NHLH2: variants seen among roughly 807,000 people sequenced by gnomAD.
The protein encoded by NHLH2 is helix-loop-helix protein 2.
In NHLH2, 7 loss-of-function variants were observed where a neutral mutation model predicts 7.3. That is an observed-to-expected ratio of 0.96 (90% confidence interval 0.55 to 1.81). NHLH2 has a LOEUF of 1.81. Among genes scored for constraint, NHLH2 ranks in the 40% most tolerant of loss-of-function variants. NHLH2 has a pLI of 0.00. For synonymous variants in NHLH2, 93 were observed against 91.6 expected (o/e 1.01, Z -0.09); for missense variants, 155 against 194.0 (o/e 0.80, Z 1.19).
At chr1:115,835,120 C>A (rs796864652), downstream of NHLH2, among the ~76,000 whole-genome samples, 5 of 152,230 alleles carry the variant, frequency 3.3e-5, no homozygotes, top group South Asian at 1.0e-3. Context: ...ATCCCTAAGG[C>A]CCTTTGTCCA....
rs1651043352 is a variant in NHLH2, at chr1:115,840,538, T to C, written c.-331A>G. The C allele has an allele frequency of 6.0e-6, 1 of 167,088 alleles. No homozygotes were observed. Among genetic ancestry groups the C allele is most frequent in the South Asian group, 2.1e-4 (1 of 4,828 alleles). 10.4% of individuals were successfully genotyped at this position (167,088 alleles called of 1,614,324 possible). On this transcript the variant is annotated 5_prime_UTR_variant, in exon 2 of 3. Transcript: ENST00000320238. The stretch of plus-strand genomic sequence containing the variant: ...AAGTCTCGTGCCTTTTTTCCTCTTC[T>C]AGGTCTCTAAAAATAACAAAAGAGA...
downstream of NHLH2, among the ~76,000 whole-genome samples, chr1:115,832,579 TTA>T (rs1650778858): frequency 6.6e-6 from 1 of 152,208 alleles, no homozygotes; most frequent in African/African-American, 2.4e-5. Flanking sequence ...TTGTCCCATC[TTA>T]TGGATGAAAA....
In NHLH2 at chr1:115,838,222, C is replaced by A. The variant is rs754915395; in HGVS notation, c.151G>T (p.Gly51Cys). 1.5e-5 allele frequency: 23 copies of A among 1,558,196 alleles called. No homozygotes were observed. The South Asian group carries it at 2.2e-4, about 15-fold the overall frequency. ...VEEAEGDGKG[G>C]SRAALYPHPQ... is the part of the protein sequence containing the mutation. ...TGCGGGTAGAGCGCGGCTCGGCTGC[C>A]GCCCTTGCCGTCGCCCTCGGCCTCC... The change falls in exon 3 of 3, where the codon GGC becomes TGC. Residue 51 changes from glycine to cysteine, a missense_variant. Coordinates refer to ENST00000320238, the MANE Select transcript of NHLH2 (RefSeq NM_005599.3).
downstream of NHLH2, among the ~76,000 whole-genome samples, chr1:115,834,616 G>A (rs1392053892): frequency 6.6e-6 from 1 of 152,198 alleles, no homozygotes; most frequent in Non-Finnish European, 1.5e-5. Context: ...TATTTCCTCA[G>A]AGAGGCTTTC....
rs1214630826 is a variant in NHLH2 at position 115,838,210 on chromosome 1, C to T, written c.163G>A (p.Ala55Thr). 6.4e-7 allele frequency: 1 copy of T among 1,559,758 alleles called. No individual in the cohort carries two copies. Among genetic ancestry groups the T allele is most frequent in the East Asian group, 2.4e-5 (1 of 41,526 alleles). Residue 55 changes from alanine (A) to threonine (T), a missense_variant, in exon 3 of 3, where the codon GCG (alanine) becomes ACG (threonine). Ala to Thr is a moderately conservative substitution (Grantham distance 58). Coordinates refer to ENST00000320238, the MANE Select transcript of NHLH2 (RefSeq NM_005599.3). ...EGDGKGGSRA[A>T]LYPHPQQLSR... ...AGCTGCTGCGGGTGCGGGTAGAGCG[C>T]GGCTCGGCTGCCGCCCTTGCCGTCG...
chr1:115,838,351 C>T lies in NHLH2; in HGVS notation c.22G>A (p.Ala8Thr), dbSNP rs762195788. 1.2e-6 allele frequency: 2 copies of T among 1,609,354 alleles called. No individual in the cohort carries two copies. The highest frequency in any genetic ancestry group is 2.2e-5 in the South Asian group (2 of 90,918). Residue 8 changes from alanine (A) to threonine (T), a missense_variant, in exon 3 of 3, where the codon GCA (alanine) becomes ACA (threonine). Physicochemically the swap from Ala to Thr is moderately conservative, Grantham distance 58. Coordinates refer to ENST00000320238, the MANE Select transcript of NHLH2 (RefSeq NM_005599.3). Reference sequence around the variant, plus strand: ...GAGCTGGGATGGTCCGAATCTGCTGCTTGGTCCGGACTCAGCATCATTTTG... The same window carrying T: ...GAGCTGGGATGGTCCGAATCTGCTGTTTGGTCCGGACTCAGCATCATTTTG... MMLSPDQ[A>T]ADSDHPSSAH...
chr1:115,834,759 A>G (rs537538255), downstream of NHLH2, among the ~76,000 whole-genome samples: 1 of 152,240 alleles, frequency 6.6e-6, no homozygotes, highest in South Asian at 2.1e-4. Flanking sequence ...TTTTCGCTTC[A>G]GTGTACTGCT....
At chr1:115,839,635 C>T (rs1289683405) in intron 2 of NHLH2, 1 of 166,752 alleles carries the variant, frequency 6.0e-6, no homozygotes, top group East Asian at 1.9e-4. Context: ...GCACGCACCG[C>T]CCCTGGGCGT....
At chr1:115,840,886 C>A in intron 1 of NHLH2, 62 bp downstream of exon 1, 1 of 167,236 alleles carries the variant, frequency 6.0e-6, no homozygotes. Flanking sequence ...CACCTATTTT[C>A]CAGTTTCAAA....
At chr1:115,838,684 G>C in intron 2 of NHLH2, 1 of 349,054 alleles carries the variant, frequency 2.9e-6, no homozygotes, top group South Asian at 8.4e-5. Flanking sequence ...GGGAACAACC[G>C]CAGGCCTGTG....
At chr1:115,835,082 C>G (rs1650835776), downstream of NHLH2, among the ~76,000 whole-genome samples, 1 of 152,098 alleles carries the variant, frequency 6.6e-6, no homozygotes, top group African/African-American at 2.4e-5. Context: ...GGTTGCATAG[C>G]TAGGAAGGGA....
rs1055340106 is a variant in NHLH2 at position 115,836,764 on chromosome 1, T to A, written c.*1201A>T. ...ACACACAAAGAAGCTACTCTCCTTATAAACAGCTTGTAAAGGACTTCTCAG... is the reference window on the plus strand; with the variant it reads ...ACACACAAAGAAGCTACTCTCCTTAAAAACAGCTTGTAAAGGACTTCTCAG... On this transcript the variant is annotated 3_prime_UTR_variant, in exon 3 of 3. Coordinates refer to ENST00000320238, the MANE Select transcript of NHLH2 (RefSeq NM_005599.3). 6.6e-6 allele frequency: 1 copy of A among 152,150 alleles called. No individual in the cohort carries two copies. The highest frequency in any genetic ancestry group is 1.5e-5 in the Non-Finnish European group (1 of 67,998). 9.4% of individuals were successfully genotyped at this position (152,150 alleles called of 1,614,324 possible).
downstream of NHLH2, among the ~76,000 whole-genome samples, chr1:115,831,474 C>T (rs371413171): frequency 6.6e-6 from 1 of 152,126 alleles, no homozygotes; most frequent in Non-Finnish European, 1.5e-5. Flanking sequence ...GATAAGGACT[C>T]TTTTTTCTTT....
Position 115,837,531 on chromosome 1 carries a change from T to G in NHLH2, c.*434A>C. 5.9e-6 allele frequency: 1 copy of G among 170,542 alleles called. No individual in the cohort carries two copies. The allele number at this position is 170,542 out of a possible 1,614,324, so 10.6% of individuals were successfully genotyped here. Reference sequence around the variant, plus strand: ...TTCCCAGTGTTTGGTGATTTGTCCATTAGAAAAATTCCAGATAGCCTAAAG... The same window carrying G: ...TTCCCAGTGTTTGGTGATTTGTCCAGTAGAAAAATTCCAGATAGCCTAAAG... On this transcript the variant is annotated 3_prime_UTR_variant, in exon 3 of 3. Coordinates refer to ENST00000320238, the MANE Select transcript of NHLH2 (RefSeq NM_005599.3).
At chr1:115,833,328 G>T, downstream of NHLH2, among the ~76,000 whole-genome samples, 1 of 152,320 alleles carries the variant, frequency 6.6e-6, no homozygotes, top group Non-Finnish European at 1.5e-5. Context: ...GCACATGCTT[G>T]ACTTGGCATA....
rs899314193 is a variant in NHLH2 at position 115,837,839 on chromosome 1, G to C, written c.*126C>G. On this transcript the variant is annotated 3_prime_UTR_variant, in exon 3 of 3. Coordinates refer to ENST00000320238, the MANE Select transcript of NHLH2 (RefSeq NM_005599.3). ...GAACAGGTAGCGAGCTTCTTCCCCGGCCGTCTCTCGAGGCGGCCGTCTCGC... is the reference window on the plus strand; with the variant it reads ...GAACAGGTAGCGAGCTTCTTCCCCGCCCGTCTCTCGAGGCGGCCGTCTCGC... The C allele has an allele frequency of 1.8e-5, 18 of 1,020,294 alleles. No homozygotes were observed. The highest frequency in any genetic ancestry group is 4.1e-6 in the Non-Finnish European group (3 of 725,302). 63.2% of individuals were successfully genotyped at this position (1,020,294 alleles called of 1,614,324 possible).
intron 2 of NHLH2, 75 bp from the exon 3 acceptor site, chr1:115,838,455 C>A: frequency 6.7e-7 from 1 of 1,498,596 alleles, no homozygotes; most frequent in East Asian, 2.5e-5. Flanking sequence ...CCGAGGCCTA[C>A]CACGCCGGTC....
chr1:115,838,652 C>T (rs773787550), intron 2 of NHLH2: 207 of 393,890 alleles, frequency 5.3e-4, no homozygotes, highest in Non-Finnish European at 4.2e-4. Flanking sequence ...ACGGCCACAG[C>T]GGGCCTGTGG....
chr1:115,836,411 G>A lies in NHLH2; in HGVS notation c.*1554C>T, dbSNP rs1253829314. 7 of 152,372 alleles carry A rather than the reference G, an allele frequency of 4.6e-5. No homozygotes were observed. The highest frequency in any genetic ancestry group is 6.6e-5 in the Admixed American group (1 of 15,258). 9.4% of individuals were successfully genotyped at this position (152,372 alleles called of 1,614,324 possible). A position where few individuals can be genotyped will look rare whatever the true frequency, so the allele number is the denominator to read the frequency against. On this transcript the variant is annotated 3_prime_UTR_variant, in exon 3 of 3. Transcript: ENST00000320238. ...TACCTTTATTTATATGCAAAACAGC[G>A]CACCATTCATGAGATATGAAAAACT...
Sources: allele counts gnomAD v4.1 joint callset (sites outside exome capture counted in the v4.1 genomes callset), GRCh38; gene constraint gnomAD v4.1.1; transcripts MANE v1.5; gene names NCBI Gene and HGNC (gene_info 2026-07-23, HGNC 2026-07-21).